The following CSNK1E variants were observed in gnomAD, a reference collection of about 807,000 sequenced individuals.
CSNK1E encodes the protein casein kinase 1 epsilon.
In CSNK1E, 17 loss-of-function variants were observed where a neutral mutation model predicts 46.1. That is an observed-to-expected ratio of 0.37 (90% confidence interval 0.25 to 0.55). The LOEUF is 0.55. Among genes scored for constraint, CSNK1E ranks in the 20% least tolerant of loss-of-function variants. CSNK1E has a pLI of 0.82. For synonymous variants in CSNK1E, 241 were observed against 242.6 expected, an observed-to-expected ratio of 0.99 and a Z score of 0.06; for missense variants, 386 against 595.4, an observed-to-expected ratio of 0.65 and a Z score of 3.66.
chr22:38,305,297 T>TACGTATTCTTTGCATCCACTCA (rs1260167745), intron 2 of CSNK1E, among the ~76,000 whole-genome samples: 2 of 152,192 alleles, frequency 1.3e-5, no homozygotes, highest in Non-Finnish European at 2.9e-5. Context: ...AGGTATTCTA[T>TACGTATTCTTTGCATCCACTCA]ACGTATTCTT....
rs2145827457 is a variant in CSNK1E at position 38,294,613 on chromosome 22, A to C, written c.886-79T>G. 5 of 1,370,766 alleles carry C rather than the reference A, an allele frequency of 3.6e-6. No homozygotes were observed. Among genetic ancestry groups the C allele is most frequent in the Non-Finnish European group, 3.9e-6 (4 of 1,020,210 alleles). The allele number at this position is 1,370,766 out of a possible 1,614,324, so 84.9% of individuals were successfully genotyped here. A position where few individuals can be genotyped will look rare whatever the true frequency, so the allele number is the denominator to read the frequency against. On this transcript the variant is annotated intron_variant, in intron 7 of 10. Coordinates refer to ENST00000396832, the MANE Select transcript of CSNK1E (RefSeq NM_152221.3). The surrounding 1 kb of genome is among the most constrained non-coding windows in gnomAD (Gnocchi z 5.5). ...GGCCCAGCAGCCCTGCAGGGCACAG[A>C]AGGGGAGGGAGGCCAGGTGGATATC... is the stretch of plus-strand genomic sequence containing the variant.
chr22:38,316,708 C>T (rs1178582454), intron 1 of CSNK1E: 1 of 152,328 alleles, frequency 6.6e-6, no homozygotes, highest in Non-Finnish European at 1.5e-5. Context: ...CGGGCGCAGC[C>T]TTGCGAACCC....
At chr22:38,296,345 A>C in intron 7 of CSNK1E, 1 of 1,364,680 alleles carries the variant, frequency 7.3e-7, no homozygotes, top group South Asian at 1.8e-5. Flanking sequence ...CTCGGAACAC[A>C]GTGGCTGTAT....
At chr22:38,312,556 C>T (rs944049591) in intron 2 of CSNK1E, among the ~76,000 whole-genome samples, 5 of 152,108 alleles carry the variant, frequency 3.3e-5, no homozygotes, top group East Asian at 1.9e-4. Context: ...AGCTTGGGGT[C>T]GCAGAGAAAA....
intron 2 of CSNK1E, among the ~76,000 whole-genome samples, chr22:38,312,051 G>A (rs536246843): frequency 6.6e-5 from 10 of 152,182 alleles, no homozygotes; most frequent in South Asian, 4.2e-4. Flanking sequence ...TGATCTGCCC[G>A]CCTCGGCCTC....
rs1258386311 is a variant in CSNK1E, at chr22:38,299,945, C to A, written c.686G>T (p.Ser229Ile). Residue 229 changes from serine to isoleucine, a missense_variant, in exon 6 of 11, where the codon AGC becomes ATC. Ser to Ile is a moderately radical substitution (Grantham distance 142). Transcript: ENST00000396832. ...ATKRQKYERI[S>I]EKKMSTPIEV... ...GATGGGCGTTGACATCTTCTTCTCG[C>A]TGATCCGTTCATACTTCTGGCGCTT... The A allele has an allele frequency of 6.2e-7, 1 of 1,614,108 alleles. No homozygotes were observed. The highest frequency in any genetic ancestry group is 8.5e-7 in the Non-Finnish European group (1 of 1,180,040).
chr22:38,295,929 G>A (rs1460992895), intron 7 of CSNK1E, among the ~76,000 whole-genome samples: 2 of 152,268 alleles, frequency 1.3e-5, no homozygotes, highest in African/African-American at 2.4e-5. Context: ...AAAGCCTGGG[G>A]AGGAACACGA....
intron 2 of CSNK1E, among the ~76,000 whole-genome samples, chr22:38,307,749 T>C (rs2092704707): frequency 1.3e-5 from 2 of 152,320 alleles, no homozygotes; most frequent in African/African-American, 4.8e-5. Flanking sequence ...CAGGCTGGAC[T>C]GTAGTGGCAC....
At chr22:38,317,528 C>G (rs1403878490), upstream of CSNK1E, 1 of 152,784 alleles carries the variant, frequency 6.5e-6, no homozygotes. Flanking sequence ...ATTTAAAGGG[C>G]CCGCGCCCTC....
intron 4 of CSNK1E, 25 bp downstream of exon 4, chr22:38,302,836 G>A (rs931700529): frequency 6.2e-7 from 1 of 1,612,858 alleles, no homozygotes; most frequent in East Asian, 2.2e-5. Context: ...GCATCTGGCT[G>A]GGGATGGAGG....
intron 7 of CSNK1E, among the ~76,000 whole-genome samples, chr22:38,295,820 C>A (rs1000311407): frequency 9.2e-5 from 14 of 152,200 alleles, no homozygotes; most frequent in Admixed American, 5.2e-4. Flanking sequence ...CTCAGGCAGG[C>A]CTGGGACCAC....
At position 38,294,039 on chromosome 22, in the gene CSNK1E, C is replaced by T. The variant is rs1464355156; in HGVS notation, c.1218+70G>A. On this transcript the variant is annotated intron_variant, in intron 9 of 10. Transcript: ENST00000396832. The surrounding 1 kb of genome is among the most constrained non-coding windows in gnomAD (Gnocchi z 5.5). ...TGGAAAGGGAAGAACAGAGCCACGGCCTGACCTCCCACTGGGGGGTCTCTA... is the reference window on the plus strand; with the variant it reads ...TGGAAAGGGAAGAACAGAGCCACGGTCTGACCTCCCACTGGGGGGTCTCTA... 8.4e-6 allele frequency: 13 copies of T among 1,539,306 alleles called. No homozygotes were observed. Among genetic ancestry groups the T allele is most frequent in the Non-Finnish European group, 9.7e-6 (11 of 1,137,858 alleles).
rs1335850242 is a variant in CSNK1E, at chr22:38,291,037, G to A, written c.*934C>T. On this transcript the variant is annotated 3_prime_UTR_variant, in exon 11 of 11. Transcript: ENST00000396832. ...CCTCAGAAAGGTGGAACCAGGGAGA[G>A]GGGGGACCCCAGGTGACTGTCAGGA... 4 of 152,308 alleles carry A rather than the reference G, an allele frequency of 2.6e-5. No individual in the cohort carries two copies. Among genetic ancestry groups the A allele is most frequent in the Admixed American group, 2.6e-4 (4 of 15,278 alleles). 9.4% of individuals were successfully genotyped at this position (152,308 alleles called of 1,614,324 possible). A position where few individuals can be genotyped will look rare whatever the true frequency, so the allele number is the denominator to read the frequency against.
intron 7 of CSNK1E, chr22:38,297,491 A>G: frequency 3.5e-6 from 3 of 865,026 alleles, no homozygotes; most frequent in Non-Finnish European, 4.3e-6. Context: ...CCCAGAGAGA[A>G]GAGAAGCCCA....
rs2092654565 is a variant in CSNK1E at position 38,298,693 on chromosome 22, G to A, written c.885+93C>T. The A allele has an allele frequency of 6.8e-6, 10 of 1,463,242 alleles. No homozygotes were observed. The South Asian group carries it at 7.0e-5, about 10-fold the overall frequency. 90.6% of individuals were successfully genotyped at this position (1,463,242 alleles called of 1,614,324 possible). A position where few individuals can be genotyped will look rare whatever the true frequency, so the allele number is the denominator to read the frequency against. On this transcript the variant is annotated intron_variant, in intron 7 of 10. Coordinates refer to ENST00000396832, the MANE Select transcript of CSNK1E (RefSeq NM_152221.3). The surrounding 1 kb of genome is among the most constrained non-coding windows in gnomAD (Gnocchi z 4.2). ...CCAGCTCGTACCTCCCGTCTGTCGG[G>A]AGCCCCTCCCGCCACCAGCTCACTC...
In CSNK1E at chr22:38,317,391, T is replaced by TCCTG. The variant is rs1772024519; in HGVS notation, c.-248_-245dup. On this transcript the variant is annotated 5_prime_UTR_variant, in exon 1 of 11. Coordinates refer to ENST00000396832, the MANE Select transcript of CSNK1E (RefSeq NM_152221.3). ...CGCCGCCGCCTCCCTCCTCCCGGCC[T>TCCTG]CCTGCCCGCCCGCCCGCCCCCGCCG... is the stretch of plus-strand genomic sequence containing the variant. 1.0e-5 allele frequency: 1 copy of TCCTG among 99,214 alleles called. No individual in the cohort carries two copies. Among genetic ancestry groups the TCCTG allele is most frequent in the South Asian group, 2.5e-4 (1 of 3,954 alleles). 6.1% of individuals were successfully genotyped at this position (99,214 alleles called of 1,614,324 possible).
At position 38,298,938 on chromosome 22, in the gene CSNK1E, G is replaced by A; in HGVS notation, c.737-4C>T. 1 of 1,614,138 alleles carries A rather than the reference G, an allele frequency of 6.2e-7. No homozygotes were observed. The highest frequency in any genetic ancestry group is 8.5e-7 in the Non-Finnish European group (1 of 1,179,998). On this transcript the variant is annotated splice_region_variant and splice_polypyrimidine_tract_variant and intron_variant, in intron 6 of 10. Transcript: ENST00000396832. This position sits in a 1 kb window ranked among gnomAD's most constrained non-coding sequence, Gnocchi z 4.2. ...TTGAGGTATGTTGAGAATTCGGCTGGAGGGTGTTGCAGAGGATAGAGAAGG... is the reference window on the plus strand; with the variant it reads ...TTGAGGTATGTTGAGAATTCGGCTGAAGGGTGTTGCAGAGGATAGAGAAGG...
At chr22:38,312,193 A>C (rs1369793287) in intron 2 of CSNK1E, among the ~76,000 whole-genome samples, 1 of 152,058 alleles carries the variant, frequency 6.6e-6, no homozygotes, top group Admixed American at 6.6e-5. Context: ...GGCTCAGGTG[A>C]TTCTCCCACC....
intron 2 of CSNK1E, among the ~76,000 whole-genome samples, chr22:38,310,146 GCTGTGT>G (rs2092714660): frequency 6.6e-6 from 1 of 152,186 alleles, no homozygotes; most frequent in Non-Finnish European, 1.5e-5. Context: ...CCTGGCAGAG[GCTGTGT>G]CTGGGAGCCG....
Sources: allele counts gnomAD v4.1 joint callset (sites outside exome capture counted in the v4.1 genomes callset), GRCh38; gene constraint gnomAD v4.1.1; non-coding constraint Gnocchi (gnomAD v3.1); transcripts MANE v1.5; gene names NCBI Gene and HGNC (gene_info 2026-07-23, HGNC 2026-07-21).